EZH2: variants seen among roughly 807,000 people sequenced by gnomAD.
EZH2 encodes the protein enhancer of zeste 2 polycomb repressive complex 2 subunit, also known as histone-lysine N-methyltransferase EZH2.
Under a neutral mutation model 98.4 loss-of-function variants are expected in EZH2, and 18 were observed. That is an observed-to-expected ratio of 0.18 (90% CI 0.13 to 0.27). EZH2 has a LOEUF of 0.27. Ranked by LOEUF, EZH2 falls within the 10% of genes least tolerant of loss-of-function variation. The probability of loss-of-function intolerance (pLI) is 1.00; values close to 1 mark genes in which losing one functional copy is unlikely to be tolerated. For synonymous variants in EZH2, 338 were observed against 312.3 expected (o/e 1.08, Z -0.87); for missense variants, 470 against 935.1 (o/e 0.50, Z 6.49).
intron 11 of EZH2, 51 bp downstream of exon 11, chr7:148,817,171 T>C: frequency 6.5e-7 from 1 of 1,545,444 alleles, no homozygotes; most frequent in Admixed American, 1.9e-5. Flanking sequence ...GAGTACAGTT[T>C]TATCTCTATG....
rs1038565679 is a variant in EZH2, at chr7:148,821,173, T to G, written c.908-1486A>C. ...AAGACTGGATAGAAGGTAAAACCAT[T>G]AATAACTACAGACAGTATAATTACA... is the stretch of plus-strand genomic sequence containing the variant. On this transcript the variant is annotated intron_variant, in intron 8 of 19. Transcript: ENST00000320356. 4.6e-5 allele frequency: 7 copies of G among 151,786 alleles called. No individual in the cohort carries two copies. In the South Asian group the frequency reaches 1.5e-3, roughly 31 times the overall value. The allele number at this position is 151,786 out of a possible 1,614,324, so 9.4% of individuals were successfully genotyped here. A position where few individuals can be genotyped will look rare whatever the true frequency, so the allele number is the denominator to read the frequency against.
rs2129470335 is a variant in EZH2, at chr7:148,815,539, C to T, written c.1513G>A (p.Ala505Thr). Residue 505 changes from alanine to threonine, a missense_variant, in exon 13 of 20, where the codon GCT becomes ACT. Coordinates refer to ENST00000320356, the MANE Select transcript of EZH2 (RefSeq NM_004456.5). Reference sequence around the variant, plus strand: ...AGCTGTATCTTTCTGCAGTGTGCAGCCCACAACCTGCAAAAACACAAAGAA... The same window carrying T: ...AGCTGTATCTTTCTGCAGTGTGCAGTCCACAACCTGCAAAAACACAAAGAA... ...RKKKRKHRLW[A>T]AHCRKIQLKK... The T allele has an allele frequency of 6.2e-7, 1 of 1,614,118 alleles. No individual in the cohort carries two copies.
At chr7:148,841,896 C>T (rs1308490433) in intron 3 of EZH2, among the ~76,000 whole-genome samples, 1 of 151,966 alleles carries the variant, frequency 6.6e-6, no homozygotes, top group Non-Finnish European at 1.5e-5. Flanking sequence ...GCTTCTCCCC[C>T]CAAAAAAATC....
In EZH2 at chr7:148,815,555, A is replaced by G; in HGVS notation, c.1506-9T>C. The G allele has an allele frequency of 6.2e-7, 1 of 1,614,134 alleles. No homozygotes were observed. The highest frequency in any genetic ancestry group is 8.5e-7 in the Non-Finnish European group (1 of 1,179,940). Reference sequence around the variant, plus strand: ...AGTGTGCAGCCCACAACCTGCAAAAACACAAAGAAAATTAAACCAAATTTC... The same window carrying G: ...AGTGTGCAGCCCACAACCTGCAAAAGCACAAAGAAAATTAAACCAAATTTC... On this transcript the variant is annotated splice_polypyrimidine_tract_variant and intron_variant, in intron 12 of 19. Transcript: ENST00000320356.
intron 11 of EZH2, 166 bp from the exon 12 acceptor site, chr7:148,816,944 AATTAT>A: frequency 1.6e-6 from 1 of 608,180 alleles, no homozygotes; most frequent in Non-Finnish European, 2.9e-6. Context: ...GGGTAGCTGT[AATTAT>A]ATTCTGGTCA....
At chr7:148,831,475 G>C (rs1809376699) in intron 4 of EZH2, among the ~76,000 whole-genome samples, 1 of 152,180 alleles carries the variant, frequency 6.6e-6, no homozygotes, top group Non-Finnish European at 1.5e-5. Context: ...AATAAAGATT[G>C]TGTGCCTAAT....
intron 15 of EZH2, 64 bp downstream of exon 15, chr7:148,813,895 C>G (rs1055810531): frequency 1.3e-6 from 2 of 1,519,744 alleles, no homozygotes; most frequent in Non-Finnish European, 1.8e-6. Context: ...CTAAGGCAAT[C>G]CTGACATTTG....
intron 4 of EZH2, 41 bp downstream of exon 4, chr7:148,832,592 TA>T: frequency 9.5e-7 from 1 of 1,050,108 alleles, no homozygotes; most frequent in Non-Finnish European, 1.4e-6. Context: ...TTACTTCAAA[TA>T]AGTTATTATC....
intron 1 of EZH2, among the ~76,000 whole-genome samples, chr7:148,877,472 C>T (rs994017590): frequency 1.3e-5 from 2 of 152,164 alleles, no homozygotes; most frequent in Admixed American, 6.6e-5. Context: ...ATTTATCAAA[C>T]ACTTTTTGCC....
chr7:148,832,500 A>T lies in EZH2; in HGVS notation c.363+134T>A, dbSNP rs148555335. On this transcript the variant is annotated intron_variant, in intron 4 of 19. Coordinates refer to ENST00000320356, the MANE Select transcript of EZH2 (RefSeq NM_004456.5). ...AAACTACCTTAATCAATTTTTAAAA[A>T]TTACTTCAAGTGTTATTTTGATAGC... 6.6e-4 allele frequency: 368 copies of T among 560,932 alleles called. No individual in the cohort carries two copies. The Middle Eastern group carries it at 8.9e-3, about 14-fold the overall frequency. The allele number at this position is 560,932 out of a possible 1,614,324, so 34.7% of individuals were successfully genotyped here.
chr7:148,842,885 G>A (rs1226155012), intron 3 of EZH2, among the ~76,000 whole-genome samples: 1 of 151,534 alleles, frequency 6.6e-6, no homozygotes, highest in African/African-American at 2.4e-5. Context: ...GGAAAACATG[G>A]TATGACCCTG....
At chr7:148,816,824 G>A in intron 11 of EZH2, 46 bp from the exon 12 acceptor site, 1 of 1,412,434 alleles carries the variant, frequency 7.1e-7, no homozygotes, top group Non-Finnish European at 1.0e-6. Flanking sequence ...GTCTTATTTA[G>A]GCAAACCATT....
intron 1 of EZH2, among the ~76,000 whole-genome samples, chr7:148,878,237 CAG>C (rs1820445639): frequency 6.6e-6 from 1 of 152,168 alleles, no homozygotes; most frequent in African/African-American, 2.4e-5. Context: ...CCATTCCAAA[CAG>C]AAACTCTGTA....
intron 3 of EZH2, among the ~76,000 whole-genome samples, chr7:148,845,110 A>C (rs1813655602): frequency 1.3e-5 from 2 of 152,218 alleles, no homozygotes; most frequent in South Asian, 4.1e-4. Flanking sequence ...GAGATTCATA[A>C]TGGGTGGCAA....
At chr7:148,864,323 A>T (rs1818122814) in intron 1 of EZH2, among the ~76,000 whole-genome samples, 1 of 152,246 alleles carries the variant, frequency 6.6e-6, no homozygotes, top group East Asian at 1.9e-4. Context: ...AACTATTTTA[A>T]GTGTTTTAAA....
chr7:148,877,214 T>C (rs1188729035), intron 1 of EZH2, among the ~76,000 whole-genome samples: 4 of 152,152 alleles, frequency 2.6e-5, no homozygotes, highest in Non-Finnish European at 5.9e-5. Flanking sequence ...CACCAAACCG[T>C]TAAAGGTAGC....
At chr7:148,855,936 CTACA>C (rs1816767585) in intron 1 of EZH2, among the ~76,000 whole-genome samples, 1 of 140,424 alleles carries the variant, frequency 7.1e-6, no homozygotes, top group African/African-American at 2.6e-5. Flanking sequence ...TGACTATCAA[CTACA>C]TAAATGGCAG....
At chr7:148,850,489 G>A in intron 1 of EZH2, 1 of 957,144 alleles carries the variant, frequency 1.0e-6, no homozygotes, top group Non-Finnish European at 1.2e-6. Context: ...ACAGCATCCA[G>A]GTAGTTCTTT....
intron 1 of EZH2, among the ~76,000 whole-genome samples, chr7:148,850,819 T>A (rs948724492): frequency 8.5e-5 from 13 of 152,172 alleles, no homozygotes; most frequent in African/African-American, 2.7e-4. Context: ...AAATATACCA[T>A]GTTTTTTCCT....
Sources: gnomAD v4.1 joint callset for allele counts (sites outside exome capture counted in the v4.1 genomes callset) on GRCh38, gnomAD v4.1.1 for gene constraint, MANE v1.5 for transcripts, NCBI Gene and HGNC (gene_info 2026-07-23, HGNC 2026-07-21) for gene names.